Variants in SYNJ2 observed in about 807,000 individuals in gnomAD.
SYNJ2 encodes synaptojanin 2.
Under a neutral mutation model 141.3 loss-of-function variants are expected in SYNJ2, and 116 were observed. That is an observed-to-expected ratio of 0.82 (90% confidence interval 0.71 to 0.96). SYNJ2 has a LOEUF of 0.96. Among genes scored for constraint, SYNJ2 ranks in the 40% least tolerant of loss-of-function variants. The pLI is 0.00. For synonymous variants in SYNJ2, 745 were observed against 777.7 expected, an observed-to-expected ratio of 0.96 and a Z score of 0.70; for missense variants, 1,873 against 1,934.8, an observed-to-expected ratio of 0.97 and a Z score of 0.60.
chr6:158,013,853 G>C (rs1170832492), intron 1 of SYNJ2, among the ~76,000 whole-genome samples: 1 of 152,178 alleles, frequency 6.6e-6, no homozygotes, highest in Non-Finnish European at 1.5e-5. Flanking sequence ...GTGCTGTCTA[G>C]TGTTTCCAAG....
intron 4 of SYNJ2, among the ~76,000 whole-genome samples, chr6:158,035,744 G>C (rs1276352029): frequency 4.6e-5 from 7 of 152,112 alleles, no homozygotes; most frequent in Non-Finnish European, 1.0e-4. Flanking sequence ...CTGGTTTTCA[G>C]CTTTTGCCCA....
intron 4 of SYNJ2, among the ~76,000 whole-genome samples, chr6:158,041,381 A>G (rs1313355861): frequency 3.3e-5 from 5 of 152,244 alleles, no homozygotes; most frequent in African/African-American, 7.2e-5. Flanking sequence ...CAGAATGGAA[A>G]TGTATCACTT....
In SYNJ2 at chr6:158,055,720, T is replaced by A. The variant is rs534051321; in HGVS notation, c.857+692T>A. 1.1e-4 allele frequency among the ~76,000 whole-genome samples: 16 copies of A among 152,318 alleles called. No individual in the cohort carries two copies. The South Asian group carries it at 2.5e-3, about 24-fold the overall frequency. On this transcript the variant is annotated intron_variant, in intron 6 of 26. Coordinates refer to ENST00000355585, the MANE Select transcript of SYNJ2 (RefSeq NM_003898.4). ...AGTAAAAATTCTCGAAAGTAATGTG[T>A]TAAGTGTTTGAGTCCTTCTACCTGA...
chr6:158,086,749 T>A lies in SYNJ2; in HGVS notation c.3209-106T>A, dbSNP rs1178041970. On this transcript the variant is annotated intron_variant, in intron 22 of 26. Coordinates refer to ENST00000355585, the MANE Select transcript of SYNJ2 (RefSeq NM_003898.4). The stretch of plus-strand genomic sequence containing the variant: ...TTCTGGACAGAGCCTTCAGCTGTCC[T>A]ACAGCAGGTCCCCCTGCCACAGTCG... 10 of 1,071,628 alleles carry A rather than the reference T, an allele frequency of 9.3e-6. No individual in the cohort carries two copies. The African/African-American group carries it at 1.4e-4, about 15-fold the overall frequency. The allele number at this position is 1,071,628 out of a possible 1,614,324, so 66.4% of individuals were successfully genotyped here.
chr6:158,050,955 C>T (rs1019849447), intron 5 of SYNJ2, among the ~76,000 whole-genome samples: 10 of 151,908 alleles, frequency 6.6e-5, no homozygotes, highest in African/African-American at 2.2e-4. Flanking sequence ...ACTCGGAGGG[C>T]GCTCAGTAAC....
At position 158,070,613 on chromosome 6, in the gene SYNJ2, C is replaced by A; in HGVS notation, c.1940+940C>A. On this transcript the variant is annotated intron_variant, in intron 14 of 26. Transcript: ENST00000355585. The surrounding 1 kb of genome is among the most constrained non-coding windows in gnomAD (Gnocchi z 4.0). Reference sequence around the variant, plus strand: ...GGTTTCCCAGGCTCGGTGTCCTCGGCTTCACGTGCCTTTAGCCCTGAGCTG... The same window carrying A: ...GGTTTCCCAGGCTCGGTGTCCTCGGATTCACGTGCCTTTAGCCCTGAGCTG... 1 of 599,958 alleles carries A rather than the reference C, an allele frequency of 1.7e-6. No individual in the cohort carries two copies. 37.2% of individuals were successfully genotyped at this position (599,958 alleles called of 1,614,324 possible).
intron 1 of SYNJ2, among the ~76,000 whole-genome samples, chr6:157,992,475 G>A (rs914794607): frequency 6.8e-6 from 1 of 147,742 alleles, no homozygotes; most frequent in Non-Finnish European, 1.5e-5. Flanking sequence ...TAGTGCAGTG[G>A]TGCGATCTCG....
chr6:158,047,953 C>A (rs1780349276), intron 5 of SYNJ2, among the ~76,000 whole-genome samples: 1 of 152,070 alleles, frequency 6.6e-6, no homozygotes, highest in Admixed American at 6.6e-5. Context: ...ATGAGAGTTT[C>A]CTCCTGTCTT....
Position 158,096,197 on chromosome 6 carries a change from A to G in SYNJ2, c.4324A>G (p.Arg1442Gly). 6.2e-7 allele frequency: 1 copy of G among 1,614,252 alleles called. No homozygotes were observed. Among genetic ancestry groups the G allele is most frequent in the Non-Finnish European group, 8.5e-7 (1 of 1,180,046 alleles). The part of the protein sequence containing the change: ...KSSDPLDSGT[R>G]SPKRDPIDPV... Reference sequence around the variant, plus strand: ...CTCAGACCCTTTGGACTCAGGAACCAGGAGCCCCAAAAGAGATCCCATAGA... The same window carrying G: ...CTCAGACCCTTTGGACTCAGGAACCGGGAGCCCCAAAAGAGATCCCATAGA... The change falls in exon 27 of 27, where the codon AGG becomes GGG. Residue 1442 changes from arginine to glycine, a missense_variant. Transcript: ENST00000355585.
At chr6:158,042,846 A>G (rs1444922855) in intron 4 of SYNJ2, among the ~76,000 whole-genome samples, 1 of 152,252 alleles carries the variant, frequency 6.6e-6, no homozygotes, top group Non-Finnish European at 1.5e-5. Context: ...TAGCACAGTC[A>G]GTGAGGTCTT....
Position 158,040,885 on chromosome 6 carries a change from G to A in SYNJ2, c.712-2431G>A, listed in dbSNP as rs897717552. On this transcript the variant is annotated intron_variant, in intron 4 of 26. Coordinates refer to ENST00000355585, the MANE Select transcript of SYNJ2 (RefSeq NM_003898.4). This position sits in a 1 kb window ranked among gnomAD's most constrained non-coding sequence, Gnocchi z 4.2. ...GCACGGGCCTCCGACTTTTCTTCCC[G>A]TGGCCCCACTGCTCTTCCCGGTCTC... Among the ~76,000 whole-genome samples the A allele has an allele frequency of 1.3e-5, 2 of 152,108 alleles. No individual in the cohort carries two copies. The highest frequency in any genetic ancestry group is 2.4e-5 in the African/African-American group (1 of 41,422).
intron 18 of SYNJ2, chr6:158,079,339 GA>G (rs1782526179): frequency 6.6e-6 from 1 of 150,794 alleles, no homozygotes; most frequent in South Asian, 2.1e-4. Flanking sequence ...TACAAGGAAA[GA>G]AATTAAGAAA....
At chr6:158,000,007 A>G (rs1777776946) in intron 1 of SYNJ2, among the ~76,000 whole-genome samples, 1 of 146,890 alleles carries the variant, frequency 6.8e-6, no homozygotes, top group Non-Finnish European at 1.5e-5. Flanking sequence ...GCAGTTTGGG[A>G]ATCCTGGCGA....
Position 158,088,881 on chromosome 6 carries a change from G to T in SYNJ2, c.3456+109G>T, listed in dbSNP as rs539192975. 127 of 763,888 alleles carry T rather than the reference G, an allele frequency of 1.7e-4. 1 individual carries two copies. The Middle Eastern group carries it at 3.3e-3, about 20-fold the overall frequency. 47.3% of individuals were successfully genotyped at this position (763,888 alleles called of 1,614,324 possible). A position where few individuals can be genotyped will look rare whatever the true frequency, so the allele number is the denominator to read the frequency against. On this transcript the variant is annotated intron_variant, in intron 24 of 26. Coordinates refer to ENST00000355585, the MANE Select transcript of SYNJ2 (RefSeq NM_003898.4). The stretch of plus-strand genomic sequence containing the variant: ...TTTATGTGTCTTTAACCCTCTACCT[G>T]CTCACCATCTCATCTCCAAACCCCA...
In SYNJ2 at chr6:158,071,622, T is replaced by C; in HGVS notation, c.1961T>C (p.Val654Ala). The change falls in exon 15 of 27, where the codon GTG (valine) becomes GCG (alanine). Residue 654 changes from valine (V) to alanine (A), a missense_variant. Val to Ala is a moderately conservative substitution (Grantham distance 64). Transcript: ENST00000355585. This position sits in a 1 kb window ranked among gnomAD's most constrained non-coding sequence, Gnocchi z 4.3. ...TCCAGGGACGTAGCCATCGACACAGTGAAGACGGGCATGGGGGGCAAGGCG... is the reference window on the plus strand; with the variant it reads ...TCCAGGGACGTAGCCATCGACACAGCGAAGACGGGCATGGGGGGCAAGGCG... The part of the protein sequence containing the change: ...PFIRDVAIDT[V>A]KTGMGGKAGN... The C allele has an allele frequency of 6.2e-7, 1 of 1,613,978 alleles. No homozygotes were observed. The highest frequency in any genetic ancestry group is 8.5e-7 in the Non-Finnish European group (1 of 1,180,002).
chr6:157,993,254 G>C (rs1777516588), intron 1 of SYNJ2, among the ~76,000 whole-genome samples: 1 of 152,176 alleles, frequency 6.6e-6, no homozygotes, highest in Non-Finnish European at 1.5e-5. Flanking sequence ...TCTCAGTGTA[G>C]TTTTGATTTG....
intron 18 of SYNJ2, among the ~76,000 whole-genome samples, chr6:158,080,693 C>T (rs1304193048): frequency 1.3e-5 from 2 of 152,262 alleles, no homozygotes; most frequent in African/African-American, 4.8e-5. Flanking sequence ...GCTTGCACCC[C>T]TGGCAGAGTG....
rs556125145 is a variant in SYNJ2, at chr6:158,062,305, C to T, written c.1127+141C>T. 2.8e-5 allele frequency: 37 copies of T among 1,345,400 alleles called. No individual in the cohort carries two copies. The African/African-American group carries it at 4.8e-4, about 18-fold the overall frequency. 83.3% of individuals were successfully genotyped at this position (1,345,400 alleles called of 1,614,324 possible). A position where few individuals can be genotyped will look rare whatever the true frequency, so the allele number is the denominator to read the frequency against. ...TCTAGGACATGTGCCCTATGAGGGG[C>T]AGCTTCCTTCCCTCCCCACTCAGTT... On this transcript the variant is annotated intron_variant, in intron 8 of 26. Coordinates refer to ENST00000355585, the MANE Select transcript of SYNJ2 (RefSeq NM_003898.4).
Position 158,027,216 on chromosome 6 carries a change from C to G in SYNJ2, c.215-1540C>G. 1.0e-6 allele frequency: 1 copy of G among 984,650 alleles called. No individual in the cohort carries two copies. Among genetic ancestry groups the G allele is most frequent in the South Asian group, 4.7e-5 (1 of 21,272 alleles). The allele number at this position is 984,650 out of a possible 1,614,324, so 61.0% of individuals were successfully genotyped here. On this transcript the variant is annotated intron_variant, in intron 2 of 26. Transcript: ENST00000355585. This position sits in a 1 kb window ranked among gnomAD's most constrained non-coding sequence, Gnocchi z 4.6. ...GTGGAACTGGTTGTTTTGGGGGTCT[C>G]TTCCTGGAGTGTGGAGAGATCAGAA... is the stretch of plus-strand genomic sequence containing the variant.
Sources: gnomAD v4.1 joint callset for allele counts (sites outside exome capture counted in the v4.1 genomes callset) on GRCh38, gnomAD v4.1.1 for gene constraint, Gnocchi (gnomAD v3.1) non-coding constraint, MANE v1.5 for transcripts, NCBI Gene and HGNC (gene_info 2026-07-23, HGNC 2026-07-21) for gene names.